IKBKE: variants seen among roughly 807,000 people sequenced by gnomAD.
The protein encoded by IKBKE is inhibitor of nuclear factor kappa-B kinase subunit epsilon.
IKBKE carries 45 observed loss-of-function variants against 92.1 expected under a neutral mutation model. The observed-to-expected ratio is 0.49, with a 90% CI of 0.38 to 0.63. The LOEUF (loss-of-function observed/expected upper bound fraction) is 0.63. Among genes scored for constraint, IKBKE ranks in the 20% least tolerant of loss-of-function variants. IKBKE has a pLI of 0.00. For missense variants in IKBKE, 700 were observed against 932.8 expected, an observed-to-expected ratio of 0.75 and a Z score of 3.25; for synonymous variants, 374 against 380.3, an observed-to-expected ratio of 0.98 and a Z score of 0.19.
intron 21 of IKBKE, among the ~76,000 whole-genome samples, chr1:206,494,592 C>CTTTTTTTTTTTTTTTT (rs58971788): frequency 4.7e-5 from 3 of 63,900 alleles, no homozygotes; most frequent in African/African-American, 1.1e-4. Context: ...AAAGTTCTTT[C>CTTTTTTTTTTTTTTTT]TTTTTTTTTT....
chr1:206,473,111 T>C, intron 2 of IKBKE, 85 bp from the exon 3 acceptor site: 3 of 766,566 alleles, frequency 3.9e-6, no homozygotes, highest in Non-Finnish European at 6.8e-6. Flanking sequence ...TAGGGTAGCC[T>C]TGGGGCACAG....
chr1:206,473,833 G>A (rs1664907992), intron 3 of IKBKE, among the ~76,000 whole-genome samples: 2 of 151,854 alleles, frequency 1.3e-5, no homozygotes, highest in African/African-American at 2.4e-5. Flanking sequence ...ATGGTGGCGT[G>A]CACCTGTAAT....
intron 21 of IKBKE, among the ~76,000 whole-genome samples, chr1:206,494,681 G>A (rs1160614781): frequency 7.8e-6 from 1 of 127,896 alleles, no homozygotes; most frequent in Non-Finnish European, 1.5e-5. Flanking sequence ...TCGGCTCACT[G>A]CAACCTCCAT....
intron 3 of IKBKE, among the ~76,000 whole-genome samples, chr1:206,473,830 C>T (rs782045580): frequency 8.6e-5 from 13 of 151,814 alleles, no homozygotes; most frequent in South Asian, 2.1e-4. Context: ...GGCATGGTGG[C>T]GTGCACCTGT....
chr1:206,478,052 C>CAA lies in IKBKE; in HGVS notation c.813-108_813-107insAA. Reference sequence around the variant, plus strand: ...TCCCCAACCCACCCTGCCCCACCATCTTGGTCCTAGCTCTTCAGGATATTC... The same window carrying CAA: ...TCCCCAACCCACCCTGCCCCACCATCAATTGGTCCTAGCTCTTCAGGATATTC... On this transcript the variant is annotated intron_variant, in intron 8 of 21. Transcript: ENST00000581977. This position sits in a 1 kb window ranked among gnomAD's most constrained non-coding sequence, Gnocchi z 4.8. 2.8e-6 allele frequency: 2 copies of CAA among 713,342 alleles called. No individual in the cohort carries two copies. Among genetic ancestry groups the CAA allele is most frequent in the Non-Finnish European group, 4.7e-6 (2 of 427,522 alleles). 44.2% of individuals were successfully genotyped at this position (713,342 alleles called of 1,614,324 possible).
At chr1:206,489,402 C>T (rs375002595) in intron 16 of IKBKE, among the ~76,000 whole-genome samples, 29 of 136,002 alleles carry the variant, frequency 2.1e-4, no homozygotes, top group African/African-American at 6.8e-4. Context: ...TATATATATA[C>T]ACACACACAC....
At position 206,476,955 on chromosome 1, in the gene IKBKE, C is replaced by T. The variant is rs944534421; in HGVS notation, c.701+117C>T. 1.9e-6 allele frequency: 2 copies of T among 1,072,332 alleles called. No homozygotes were observed. The highest frequency in any genetic ancestry group is 2.4e-5 in the Admixed American group (1 of 40,998). The allele number at this position is 1,072,332 out of a possible 1,614,324, so 66.4% of individuals were successfully genotyped here. A position where few individuals can be genotyped will look rare whatever the true frequency, so the allele number is the denominator to read the frequency against. ...CACTCCATGGCCCTCCTCTGGTCCA[C>T]CCCCCAACCCAGGCTCTTTGTAGAT... On this transcript the variant is annotated intron_variant, in intron 7 of 21. Transcript: ENST00000581977. This position sits in a 1 kb window ranked among gnomAD's most constrained non-coding sequence, Gnocchi z 5.1.
chr1:206,489,367 G>GTGTGTA (rs1665823100), intron 16 of IKBKE, among the ~76,000 whole-genome samples: 3 of 51,396 alleles, frequency 5.8e-5, no homozygotes, highest in Non-Finnish European at 9.5e-5. Context: ...GTGTGTGTGT[G>GTGTGTA]TGTATATATA....
rs782373137 is a variant in IKBKE at position 206,476,257 on chromosome 1, A to G, written c.435A>G (p.Val145=). The G allele has an allele frequency of 1.4e-5, 23 of 1,613,924 alleles. No homozygotes were observed. The highest frequency in any genetic ancestry group is 1.9e-5 in the Non-Finnish European group (23 of 1,179,956). Residue 145 remains valine, a synonymous_variant, in exon 6 of 22, where the codon GTA becomes GTG. Transcript: ENST00000581977. This position sits in a 1 kb window ranked among gnomAD's most constrained non-coding sequence, Gnocchi z 5.1. ...DIKPGNIMRL[V]GEEGQSIYKL... is the part of the protein sequence containing the mutation. ...AGCCGGGGAACATCATGCGCCTCGTAGGGGAGGAGGGGCAGAGCATCTACA... is the reference window on the plus strand; with the variant it reads ...AGCCGGGGAACATCATGCGCCTCGTGGGGGAGGAGGGGCAGAGCATCTACA...
Position 206,482,390 on chromosome 1 carries a change from T to C in IKBKE, c.1427+1857T>C, listed in dbSNP as rs140614528. Among the ~76,000 whole-genome samples the C allele has an allele frequency of 2.6e-5, 4 of 152,240 alleles. No homozygotes were observed. In the East Asian group the frequency reaches 7.7e-4, roughly 29 times the overall value. ...TGGAAAGATGTGTTTGGGAAAGCTTTTTGGGTGTCTGTCTGCCCACTTGCC... is the reference window on the plus strand; with the variant it reads ...TGGAAAGATGTGTTTGGGAAAGCTTCTTGGGTGTCTGTCTGCCCACTTGCC... On this transcript the variant is annotated intron_variant, in intron 13 of 21. Coordinates refer to ENST00000581977, the MANE Select transcript of IKBKE (RefSeq NM_014002.4).
rs2103472143 is a variant in IKBKE, at chr1:206,485,186, C to T, written c.1504-8C>T. On this transcript the variant is annotated splice_region_variant and splice_polypyrimidine_tract_variant and intron_variant, in intron 14 of 21. Coordinates refer to ENST00000581977, the MANE Select transcript of IKBKE (RefSeq NM_014002.4). The surrounding 1 kb of genome is among the most constrained non-coding windows in gnomAD (Gnocchi z 5.0). ...GACCCCACGGGGGTCTGCCTTTGTG[C>T]CCCACAGCTAGCGGAGGTCCTCTCC... The T allele has an allele frequency of 1.2e-6, 2 of 1,605,248 alleles. No individual in the cohort carries two copies. The highest frequency in any genetic ancestry group is 1.7e-6 in the Non-Finnish European group (2 of 1,171,916).
At chr1:206,471,817 C>T (rs1204824959) in intron 2 of IKBKE, among the ~76,000 whole-genome samples, 1 of 152,230 alleles carries the variant, frequency 6.6e-6, no homozygotes, top group African/African-American at 2.4e-5. Flanking sequence ...CAAGGATTTG[C>T]ATTTTTAAAA....
intron 3 of IKBKE, among the ~76,000 whole-genome samples, chr1:206,473,928 T>C (rs1664912451): frequency 1.6e-5 from 2 of 122,312 alleles, no homozygotes; most frequent in Non-Finnish European, 1.6e-5. Flanking sequence ...GACACTGCAC[T>C]CCAGCCTGGG....
chr1:206,481,880 C>T (rs1485114200), intron 13 of IKBKE, among the ~76,000 whole-genome samples: 2 of 146,312 alleles, frequency 1.4e-5, no homozygotes, highest in Non-Finnish European at 3.0e-5. Flanking sequence ...CCCGGGTTCA[C>T]GCCATTCTCC....
chr1:206,483,942 A>T (rs923190658), intron 13 of IKBKE, among the ~76,000 whole-genome samples: 1 of 151,656 alleles, frequency 6.6e-6, no homozygotes, highest in Non-Finnish European at 1.5e-5. Flanking sequence ...ATTTTTTTTT[A>T]GTATTTTATT....
Position 206,478,586 on chromosome 1 carries a change from G to A in IKBKE, c.992+247G>A, listed in dbSNP as rs143163653. On this transcript the variant is annotated intron_variant, in intron 9 of 21. Coordinates refer to ENST00000581977, the MANE Select transcript of IKBKE (RefSeq NM_014002.4). The surrounding 1 kb of genome is among the most constrained non-coding windows in gnomAD (Gnocchi z 4.8). ...CATTATACATCTGAGAAGTGTGTGC[G>A]TGGTGTATGTTGGCTGTACATTTCG... 5.3e-5 allele frequency among the ~76,000 whole-genome samples: 8 copies of A among 152,294 alleles called. No homozygotes were observed. In the East Asian group the frequency reaches 9.6e-4, roughly 18 times the overall value.
rs781819901 is a variant in IKBKE, at chr1:206,478,972, A to G, written c.1022A>G (p.Lys341Arg). Reference protein sequence around the residue: ...TIAIFQEAVHKQTSVAPRHQE... With the variant: ...TIAIFQEAVHRQTSVAPRHQE... ...GCCATTTTCCAGGAGGCCGTGCACA[A>G]GCAGACCAGTGTGGCCCCCCGACAC... The change falls in exon 10 of 22, where the codon AAG (lysine) becomes AGG (arginine). Residue 341 changes from lysine (K) to arginine (R), a missense_variant. By Grantham distance (26) the Lys-to-Arg change is conservative (BLOSUM62 2). Coordinates refer to ENST00000581977, the MANE Select transcript of IKBKE (RefSeq NM_014002.4). The surrounding 1 kb of genome is among the most constrained non-coding windows in gnomAD (Gnocchi z 4.8). 3.7e-6 allele frequency: 6 copies of G among 1,613,900 alleles called. No individual in the cohort carries two copies. The highest frequency in any genetic ancestry group is 5.1e-6 in the Non-Finnish European group (6 of 1,180,010).
rs1262617296 is a variant in IKBKE at position 206,479,093 on chromosome 1, CTT to C, written c.1144_1145del (p.Phe382GlnfsTer6). ...CGACGGCAAGCAGCCCCCTGACCCT[CTT>C]CAGCACAGCCATCCCTAAGGGGCTG... ...HTTASSPLTL[F>X]STAIPKGLAF... On this transcript the variant is annotated frameshift_variant, in exon 10 of 22. Coordinates refer to ENST00000581977, the MANE Select transcript of IKBKE (RefSeq NM_014002.4). LOFTEE classifies it high-confidence loss of function. 9.9e-6 allele frequency: 16 copies of C among 1,612,648 alleles called. No individual in the cohort carries two copies. Among genetic ancestry groups the C allele is most frequent in the Non-Finnish European group, 1.4e-5 (16 of 1,179,556 alleles).
rs1553386564 is a variant in IKBKE, at chr1:206,480,009, C to G, written c.1249-13C>G. 8 of 1,610,980 alleles carry G rather than the reference C, an allele frequency of 5.0e-6. No individual in the cohort carries two copies. The East Asian group carries it at 1.6e-4, about 31-fold the overall frequency. Reference sequence around the variant, plus strand: ...AGGTGTGGGACCTGGCCCTGTGCATCTCTGTGTTTCAGGGCGTGTTGGGCG... The same window carrying G: ...AGGTGTGGGACCTGGCCCTGTGCATGTCTGTGTTTCAGGGCGTGTTGGGCG... On this transcript the variant is annotated splice_polypyrimidine_tract_variant and intron_variant, in intron 11 of 21. Coordinates refer to ENST00000581977, the MANE Select transcript of IKBKE (RefSeq NM_014002.4).
Sources: gnomAD v4.1 joint callset for allele counts (sites outside exome capture counted in the v4.1 genomes callset) on GRCh38, gnomAD v4.1.1 for gene constraint, Gnocchi (gnomAD v3.1) non-coding constraint, MANE v1.5 for transcripts, NCBI Gene and HGNC (gene_info 2026-07-23, HGNC 2026-07-21) for gene names.